Variants in DMXL1 observed in about 807,000 individuals in gnomAD.
DMXL1 encodes the protein dmX-like protein 1.
In DMXL1, 99 loss-of-function variants were observed where a neutral mutation model predicts 319.2. The ratio of observed to expected loss-of-function variants is 0.31; its 90% CI spans 0.26 to 0.37. DMXL1 has a LOEUF of 0.37. Ranked by LOEUF, DMXL1 falls within the 10% of genes least tolerant of loss-of-function variation. The probability of loss-of-function intolerance (pLI) is 1.00; values close to 1 mark genes in which losing one functional copy is unlikely to be tolerated. For synonymous variants in DMXL1, 1,385 were observed against 1,235.2 expected, an observed-to-expected ratio of 1.12 and a Z score of -2.54; for missense variants, 3,745 against 3,595.6, an observed-to-expected ratio of 1.04 and a Z score of -1.06.
At chr5:119,134,682 C>A (rs761045906) in intron 13 of DMXL1, among the ~76,000 whole-genome samples, 1 of 152,180 alleles carries the variant, frequency 6.6e-6, no homozygotes, top group Admixed American at 6.5e-5. Flanking sequence ...GAAGTTATAT[C>A]GGCCCCCCTG....
chr5:119,107,066 G>A (rs1758513450), intron 4 of DMXL1, among the ~76,000 whole-genome samples: 1 of 152,202 alleles, frequency 6.6e-6, no homozygotes, highest in African/African-American at 2.4e-5. Context: ...GCTGGGCACG[G>A]TGGTTCAAAC....
At chr5:119,114,050 G>A (rs551910331) in intron 5 of DMXL1, among the ~76,000 whole-genome samples, 3 of 152,154 alleles carry the variant, frequency 2.0e-5, no homozygotes, top group African/African-American at 7.2e-5. Context: ...CCTAATTGTT[G>A]CAAGTCCCCT....
At chr5:119,124,116 C>G (rs56902552) in intron 9 of DMXL1, among the ~76,000 whole-genome samples, 4 of 151,332 alleles carry the variant, frequency 2.6e-5, no homozygotes, top group African/African-American at 9.7e-5. Flanking sequence ...CAAGACCAGC[C>G]TGGCTAACAT....
intron 19 of DMXL1, among the ~76,000 whole-genome samples, chr5:119,156,603 A>G (rs1771124199): frequency 1.3e-5 from 2 of 151,976 alleles, no homozygotes; most frequent in African/African-American, 4.8e-5. Context: ...TCCTTTGACT[A>G]TATACACATA....
chr5:119,131,894 T>C (rs1354100111), intron 10 of DMXL1, among the ~76,000 whole-genome samples: 4 of 152,214 alleles, frequency 2.6e-5, no homozygotes, highest in Non-Finnish European at 4.4e-5. Context: ...TGTGTGTGTG[T>C]TTGTACTAAT....
At chr5:119,112,056 G>C (rs1305137260) in intron 5 of DMXL1, among the ~76,000 whole-genome samples, 1 of 152,206 alleles carries the variant, frequency 6.6e-6, no homozygotes, top group African/African-American at 2.4e-5. Flanking sequence ...CGCCTCCCGG[G>C]TTCATACCAT....
chr5:119,231,917 G>A (rs1484319302), intron 38 of DMXL1, among the ~76,000 whole-genome samples: 2 of 152,120 alleles, frequency 1.3e-5, no homozygotes, highest in Admixed American at 6.5e-5. Context: ...GCTCGTATAG[G>A]CATGCAAGGC....
chr5:119,071,684 C>A, intron 1 of DMXL1, 28 bp downstream of exon 1: 2 of 1,545,152 alleles, frequency 1.3e-6, no homozygotes, highest in Non-Finnish European at 8.7e-7. Context: ...TCGCGTCGCC[C>A]GTGGCCCGGC....
intron 1 of DMXL1, among the ~76,000 whole-genome samples, chr5:119,096,036 T>A (rs1418406822): frequency 6.6e-6 from 1 of 152,232 alleles, no homozygotes. Context: ...TAAGATGTTA[T>A]CAACTTATTT....
intron 2 of DMXL1, 55 bp downstream of exon 2, chr5:119,098,159 A>T: frequency 2.6e-6 from 4 of 1,551,204 alleles, no homozygotes; most frequent in South Asian, 2.4e-5. Context: ...TTTTGTCAGG[A>T]TAATCTCTGA....
chr5:119,153,648 A>G (rs754813488), intron 19 of DMXL1, among the ~76,000 whole-genome samples: 1 of 152,158 alleles, frequency 6.6e-6, no homozygotes, highest in Non-Finnish European at 1.5e-5. Flanking sequence ...ATTCGATTCC[A>G]CAGATAAGTG....
chr5:119,132,117 C>G (rs1256807710), intron 10 of DMXL1, among the ~76,000 whole-genome samples: 1 of 152,088 alleles, frequency 6.6e-6, no homozygotes, highest in Non-Finnish European at 1.5e-5. Flanking sequence ...TATTTGATGA[C>G]TGGACTGTTT....
chr5:119,203,050 G>T (rs558588584), intron 32 of DMXL1, among the ~76,000 whole-genome samples: 60 of 151,188 alleles, frequency 4.0e-4, no homozygotes, highest in Admixed American at 8.6e-4. Flanking sequence ...AATACTTCTG[G>T]TCCCAAGTAC....
At chr5:119,233,243 A>G in intron 38 of DMXL1, 97 bp from the exon 39 acceptor site, 1 of 1,217,866 alleles carries the variant, frequency 8.2e-7, no homozygotes, top group Non-Finnish European at 1.2e-6. Context: ...GTTGATTTAG[A>G]TGTTTCTTTC....
chr5:119,147,959 CAG>C (rs1278289458), intron 17 of DMXL1, among the ~76,000 whole-genome samples: 9 of 152,190 alleles, frequency 5.9e-5, no homozygotes, highest in African/African-American at 2.2e-4. Context: ...TACTGAATCT[CAG>C]ACTCTGGGAT....
intron 1 of DMXL1, among the ~76,000 whole-genome samples, chr5:119,087,740 G>A (rs1029659641): frequency 2.6e-5 from 4 of 151,966 alleles, no homozygotes; most frequent in Non-Finnish European, 5.9e-5. Context: ...TGAGAGTGGG[G>A]CGTTAAATTC....
intron 29 of DMXL1, among the ~76,000 whole-genome samples, chr5:119,192,827 C>G (rs548550823): frequency 2.0e-5 from 3 of 152,046 alleles, no homozygotes; most frequent in Admixed American, 6.5e-5. Context: ...CATTTTATAT[C>G]GATTTTTCCC....
chr5:119,159,384 G>A (rs1000130611), intron 19 of DMXL1, among the ~76,000 whole-genome samples: 3 of 152,144 alleles, frequency 2.0e-5, no homozygotes, highest in Non-Finnish European at 4.4e-5. Flanking sequence ...GGCGTGAGAC[G>A]CCATGCCCGG....
chr5:119,166,482 A>G (rs1773469545), intron 21 of DMXL1, 134 bp from the exon 22 acceptor site: 1 of 668,534 alleles, frequency 1.5e-6, no homozygotes, highest in African/African-American at 1.9e-5. Context: ...TGGGAAAAGA[A>G]GCAGATACAT....
Sources: allele counts gnomAD v4.1 joint callset (sites outside exome capture counted in the v4.1 genomes callset), GRCh38; gene constraint gnomAD v4.1.1; transcripts MANE v1.5; gene names NCBI Gene and HGNC (gene_info 2026-07-23, HGNC 2026-07-21).